Variants in AUTS2 observed in about 807,000 individuals in gnomAD.
AUTS2 encodes the protein activator of transcription and developmental regulator AUTS2.
In AUTS2, 17 loss-of-function variants were observed where a neutral mutation model predicts 112.4. The ratio of observed to expected loss-of-function variants is 0.15; its 90% CI spans 0.10 to 0.23. The LOEUF (loss-of-function observed/expected upper bound fraction) is 0.23, where lower values mean the gene tolerates loss of function less well. Ranked by LOEUF, AUTS2 falls within the 10% of genes least tolerant of loss-of-function variation. The pLI, the probability that AUTS2 is intolerant of heterozygous loss-of-function variation, is 1.00. For synonymous variants in AUTS2, 751 were observed against 702.7 expected (o/e 1.07, Z -1.09); for missense variants, 1,510 against 1,701.6 (o/e 0.89, Z 1.98).
At chr7:69,831,381 A>G (rs1791494022) in intron 1 of AUTS2, among the ~76,000 whole-genome samples, 1 of 152,106 alleles carries the variant, frequency 6.6e-6, no homozygotes. Context: ...CATCCTGTGG[A>G]CTGCAGAATT....
intron 4 of AUTS2, among the ~76,000 whole-genome samples, chr7:70,161,184 T>A (rs1808057141): frequency 6.6e-6 from 1 of 152,048 alleles, no homozygotes; most frequent in South Asian, 2.1e-4. Flanking sequence ...GAAACAGGAG[T>A]AAAATCAAGC....
At chr7:69,692,264 A>C (rs1797380464) in intron 1 of AUTS2, among the ~76,000 whole-genome samples, 1 of 152,214 alleles carries the variant, frequency 6.6e-6, no homozygotes, top group African/African-American at 2.4e-5. Context: ...GAGAATAACC[A>C]CACCTTTGGA....
At chr7:70,648,407 G>A (rs1044115784) in intron 5 of AUTS2, among the ~76,000 whole-genome samples, 2 of 152,288 alleles carry the variant, frequency 1.3e-5, no homozygotes, top group African/African-American at 4.8e-5. Flanking sequence ...AGGGACAGGC[G>A]TGGGAGCATC....
intron 2 of AUTS2, among the ~76,000 whole-genome samples, chr7:69,982,729 G>T (rs1339480330): frequency 6.6e-6 from 1 of 152,204 alleles, no homozygotes; most frequent in Non-Finnish European, 1.5e-5. Context: ...TGCTTAATTG[G>T]TGGAGAACTC....
intron 4 of AUTS2, among the ~76,000 whole-genome samples, chr7:70,416,970 C>G (rs954677407): frequency 1.3e-5 from 2 of 152,162 alleles, no homozygotes; most frequent in Non-Finnish European, 2.9e-5. Context: ...TTGAAACAAG[C>G]CTTGTGGCTT....
intron 1 of AUTS2, among the ~76,000 whole-genome samples, chr7:69,845,716 A>C (rs1792167069): frequency 6.6e-6 from 1 of 152,192 alleles, no homozygotes; most frequent in South Asian, 2.1e-4. Flanking sequence ...ACCACTGCAT[A>C]GGGTGGCCCT....
At chr7:69,746,260 G>C (rs1787492391) in intron 1 of AUTS2, among the ~76,000 whole-genome samples, 1 of 152,114 alleles carries the variant, frequency 6.6e-6, no homozygotes, top group Non-Finnish European at 1.5e-5. Context: ...AATTCATTGA[G>C]TATATGGTTA....
intron 5 of AUTS2, among the ~76,000 whole-genome samples, chr7:70,479,772 G>A (rs1797718317): frequency 1.3e-5 from 2 of 152,150 alleles, no homozygotes; most frequent in African/African-American, 4.8e-5. Flanking sequence ...CAAAGATGGG[G>A]GTTTGAGTCC....
At chr7:70,326,094 A>T (rs1296872763) in intron 4 of AUTS2, among the ~76,000 whole-genome samples, 2 of 151,960 alleles carry the variant, frequency 1.3e-5, no homozygotes, top group Non-Finnish European at 2.9e-5. Context: ...AGGCAATCAC[A>T]GTCCCAGGAT....
chr7:70,305,668 A>C (rs1789460940), intron 4 of AUTS2, among the ~76,000 whole-genome samples: 1 of 152,236 alleles, frequency 6.6e-6, no homozygotes, highest in East Asian at 1.9e-4. Flanking sequence ...GTGTAGTTTA[A>C]AAAAATCAAA....
At chr7:70,775,809 C>T (rs920927328) in intron 13 of AUTS2, among the ~76,000 whole-genome samples, 3 of 152,150 alleles carry the variant, frequency 2.0e-5, no homozygotes, top group Non-Finnish European at 4.4e-5. Context: ...GTTTGACCTC[C>T]TTTTAAGGTG....
chr7:70,780,603 T>A (rs989604271), intron 14 of AUTS2, among the ~76,000 whole-genome samples: 3 of 152,144 alleles, frequency 2.0e-5, no homozygotes, highest in Admixed American at 2.0e-4. Context: ...CTTCAACTCC[T>A]GAGCTCAGGC....
chr7:70,133,859 G>A (rs1806404729), intron 3 of AUTS2, among the ~76,000 whole-genome samples: 3 of 151,650 alleles, frequency 2.0e-5, no homozygotes, highest in South Asian at 4.1e-4. Flanking sequence ...TAAATTCCCT[G>A]TGTGTCAGAA....
chr7:70,314,600 A>AT (rs1286031934), intron 4 of AUTS2, among the ~76,000 whole-genome samples: 5 of 151,984 alleles, frequency 3.3e-5, no homozygotes, highest in Admixed American at 2.0e-4. Context: ...GTTGCTTTAG[A>AT]TTTTTTTCCT....
intron 5 of AUTS2, among the ~76,000 whole-genome samples, chr7:70,506,802 G>A (rs1009334566): frequency 6.6e-6 from 1 of 152,218 alleles, no homozygotes; most frequent in East Asian, 1.9e-4. Context: ...AGATTCAGCA[G>A]TTTCTTATCT....
intron 1 of AUTS2, among the ~76,000 whole-genome samples, chr7:69,602,020 G>GTATATATATATATATA (rs1173266676): frequency 1.5e-4 from 10 of 68,358 alleles, no homozygotes; most frequent in Non-Finnish European, 1.9e-4. Context: ...ATGTGTGTGT[G>GTATATATATATATATA]TATATATATA....
chr7:70,789,696 G>A (rs753195660), intron 18 of AUTS2, 52 bp from the exon 19 acceptor site: 582 of 1,569,616 alleles, frequency 3.7e-4, no homozygotes, highest in Non-Finnish European at 4.7e-4. Context: ...TGGCCCGGCC[G>A]ACTCGCCCCT....
chr7:70,705,018 T>C (rs4466287), intron 6 of AUTS2, among the ~76,000 whole-genome samples: 41,266 of 152,084 alleles, frequency 0.27, 6,752 homozygotes, highest in East Asian at 0.76. Flanking sequence ...ATCAATTAGC[T>C]AAGCAATTAG....
At chr7:70,341,160 A>G (rs1313032488) in intron 4 of AUTS2, among the ~76,000 whole-genome samples, 2 of 152,212 alleles carry the variant, frequency 1.3e-5, no homozygotes, top group East Asian at 1.9e-4. Context: ...TTCCCAATAA[A>G]TGCTACAACC....
Sources: allele counts gnomAD v4.1 joint callset (sites outside exome capture counted in the v4.1 genomes callset), GRCh38; gene constraint gnomAD v4.1.1; transcripts MANE v1.5; gene names NCBI Gene and HGNC (gene_info 2026-07-23, HGNC 2026-07-21).